Variants in CHD7 observed in about 807,000 individuals in gnomAD.
CHD7 encodes chromodomain helicase DNA binding protein 7.
Under a neutral mutation model 307.3 loss-of-function variants are expected in CHD7, and 24 were observed. That is an observed-to-expected ratio of 0.08 (90% confidence interval 0.06 to 0.11). CHD7 has a LOEUF of 0.11. CHD7 is among the 10% of genes least tolerant of loss of function. The probability of loss-of-function intolerance (pLI) is 1.00; values close to 1 mark genes in which losing one functional copy is unlikely to be tolerated. For synonymous variants in CHD7, 1,363 were observed against 1,349.9 expected (o/e 1.01, Z -0.21); for missense variants, 3,106 against 3,727.1 (o/e 0.83, Z 4.34).
At chr8:60,772,253 T>C (rs1810747174) in intron 2 of CHD7, among the ~76,000 whole-genome samples, 1 of 152,216 alleles carries the variant, frequency 6.6e-6, no homozygotes, top group African/African-American at 2.4e-5. Flanking sequence ...AAAAATTGTT[T>C]TGTTCCCAAT....
chr8:60,830,249 T>C (rs766359626), intron 14 of CHD7, 73 bp from the exon 15 acceptor site: 256 of 1,422,344 alleles, frequency 1.8e-4, no homozygotes, highest in Non-Finnish European at 2.4e-4. Context: ...ATAATCCTGA[T>C]GTTTCATGTT....
chr8:60,831,540 T>C (rs2150766922), intron 15 of CHD7, among the ~76,000 whole-genome samples: 1 of 151,950 alleles, frequency 6.6e-6, no homozygotes, highest in African/African-American at 2.4e-5. Context: ...CTGCAGGCAG[T>C]GAAGAACCAT....
At position 60,865,674 on chromosome 8, in the gene CHD7, G is replaced by T; in HGVS notation, c.8735G>T (p.Gly2912Val). 6.2e-7 allele frequency: 1 copy of T among 1,607,156 alleles called. No individual in the cohort carries two copies. Among genetic ancestry groups the T allele is most frequent in the Non-Finnish European group, 8.5e-7 (1 of 1,175,254 alleles). The change falls in exon 38 of 38, where the codon GGA becomes GTA. Residue 2912 changes from glycine (G) to valine (V), a missense_variant. This residue lies in a region of CHD7 where 351 missense variants were observed against 366.2 expected (regional missense o/e 0.96). Transcript: ENST00000423902. This position sits in a 1 kb window ranked among gnomAD's most constrained non-coding sequence, Gnocchi z 4.3. Reference protein sequence around the residue: ...LFYPSMFLPPGLGGLTLPGFP... With the variant: ...LFYPSMFLPPVLGGLTLPGFP... Reference sequence around the variant, plus strand: ...TACCCATCCATGTTTCTACCTCCAGGACTGGGGGGATTGACGCTGCCTGGG... The same window carrying T: ...TACCCATCCATGTTTCTACCTCCAGTACTGGGGGGATTGACGCTGCCTGGG...
chr8:60,824,415 G>T, intron 13 of CHD7: 1 of 252,836 alleles, frequency 4.0e-6, no homozygotes, highest in Non-Finnish European at 7.4e-6. Context: ...CATTTGGGAT[G>T]TTCAACCCGT....
chr8:60,749,438 G>C (rs1429488483), intron 2 of CHD7, among the ~76,000 whole-genome samples: 1 of 145,498 alleles, frequency 6.9e-6, no homozygotes, highest in African/African-American at 2.5e-5. Context: ...TGGCAACTAA[G>C]TAAATTTATG....
intron 1 of CHD7, among the ~76,000 whole-genome samples, chr8:60,734,351 G>A (rs1201733312): frequency 3.3e-5 from 5 of 152,178 alleles, no homozygotes; most frequent in African/African-American, 1.2e-4. Context: ...GGGGTGCCAG[G>A]GGTCCTGTCT....
rs1806169529 is a variant in CHD7, at chr8:60,864,934, A to G, written c.8077-82A>G. Reference sequence around the variant, plus strand: ...CTTAGGTATTTCCATTTGGAATGGCAGGTTCACCACAGAGGCTCACATTGA... The same window carrying G: ...CTTAGGTATTTCCATTTGGAATGGCGGGTTCACCACAGAGGCTCACATTGA... On this transcript the variant is annotated intron_variant, in intron 37 of 37. Transcript: ENST00000423902. The G allele has an allele frequency of 2.3e-5, 30 of 1,332,938 alleles. No individual in the cohort carries two copies. The South Asian group carries it at 3.9e-4, about 17-fold the overall frequency. The allele number at this position is 1,332,938 out of a possible 1,614,324, so 82.6% of individuals were successfully genotyped here. A position where few individuals can be genotyped will look rare whatever the true frequency, so the allele number is the denominator to read the frequency against.
intron 1 of CHD7, among the ~76,000 whole-genome samples, chr8:60,699,970 A>G (rs1275646347): frequency 6.6e-6 from 1 of 151,568 alleles, no homozygotes; most frequent in African/African-American, 2.4e-5. Flanking sequence ...AGCTGGGATT[A>G]CAGGCATGCA....
intron 1 of CHD7, among the ~76,000 whole-genome samples, chr8:60,717,317 T>C (rs1314283622): frequency 2.0e-5 from 3 of 152,260 alleles, no homozygotes; most frequent in African/African-American, 4.8e-5. Context: ...GTAAACACTT[T>C]GGTTATTAGA....
Position 60,851,330 on chromosome 8 carries a change from A to G in CHD7, c.5665+11A>G, listed in dbSNP as rs765928233. On this transcript the variant is annotated intron_variant, in intron 28 of 37. Transcript: ENST00000423902. ...AAATACATGCCACAGGTAAGGTCCCAGAAAAGCTTGTGTAGCCGAGCAGAC... is the reference window on the plus strand; with the variant it reads ...AAATACATGCCACAGGTAAGGTCCCGGAAAAGCTTGTGTAGCCGAGCAGAC... 3.0e-5 allele frequency: 46 copies of G among 1,555,744 alleles called. No homozygotes were observed. In the Admixed American group the frequency reaches 8.3e-4, roughly 28 times the overall value.
At position 60,865,484 on chromosome 8, in the gene CHD7, G is replaced by A; in HGVS notation, c.8545G>A (p.Glu2849Lys). 1 of 1,614,072 alleles carries A rather than the reference G, an allele frequency of 6.2e-7. No homozygotes were observed. The highest frequency in any genetic ancestry group is 8.5e-7 in the Non-Finnish European group (1 of 1,179,896). ...STSKGEEKGN[E>K]NEDENKDSEK... ...TTCAAAAGGAGAGGAGAAAGGAAAT[G>A]AGAATGAAGACGAGAACAAAGACTC... Residue 2849 changes from glutamate to lysine, a missense_variant, in exon 38 of 38, where the codon GAG becomes AAG. Glu to Lys is a moderately conservative substitution (Grantham distance 56). Coordinates refer to ENST00000423902, the MANE Select transcript of CHD7 (RefSeq NM_017780.4). This position sits in a 1 kb window ranked among gnomAD's most constrained non-coding sequence, Gnocchi z 4.3.
At chr8:60,749,002 T>C (rs1294730161) in intron 2 of CHD7, among the ~76,000 whole-genome samples, 3 of 151,396 alleles carry the variant, frequency 2.0e-5, no homozygotes, top group Non-Finnish European at 4.4e-5. Context: ...AAATAGCCTT[T>C]CAGGGAAAAC....
chr8:60,782,067 G>T (rs529435847), intron 3 of CHD7, among the ~76,000 whole-genome samples: 3 of 152,164 alleles, frequency 2.0e-5, no homozygotes, highest in East Asian at 1.9e-4. Flanking sequence ...CATTTATTCG[G>T]TAAGAAAAAC....
intron 1 of CHD7, among the ~76,000 whole-genome samples, chr8:60,722,169 T>C (rs1243063560): frequency 6.6e-6 from 1 of 152,208 alleles, no homozygotes; most frequent in Non-Finnish European, 1.5e-5. Context: ...CAGCAACTTC[T>C]CTTAAAAGCC....
chr8:60,841,999 G>C lies in CHD7; in HGVS notation c.4797G>C (p.Gln1599His). The stretch of plus-strand genomic sequence containing the variant: ...CACGGCGTCCCCAGGATAAGTCACA[G>C]GGCTATGCAAGGAGTGAATGTTTCA... ...AKPRRPQDKS[Q>H]GYARSECFRV... Residue 1599 changes from glutamine to histidine, a missense_variant, in exon 21 of 38, where the codon CAG (glutamine) becomes CAC (histidine). Transcript: ENST00000423902. 6.2e-7 allele frequency: 1 copy of C among 1,613,956 alleles called. No homozygotes were observed. The highest frequency in any genetic ancestry group is 8.5e-7 in the Non-Finnish European group (1 of 1,179,864).
rs1479651043 is a variant in CHD7 at position 60,696,705 on chromosome 8, T to C, written c.-175+17623T>C. Among the ~76,000 whole-genome samples, 3 of 152,240 alleles carry C rather than the reference T, an allele frequency of 2.0e-5. No individual in the cohort carries two copies. In the East Asian group the frequency reaches 5.8e-4, roughly 29 times the overall value. Reference sequence around the variant, plus strand: ...TTGTAAAACTCAAGAAACTCTCTGATACTGTATATGGAAGGAAGGACTCTG... The same window carrying C: ...TTGTAAAACTCAAGAAACTCTCTGACACTGTATATGGAAGGAAGGACTCTG... On this transcript the variant is annotated intron_variant, in intron 1 of 37. Coordinates refer to ENST00000423902, the MANE Select transcript of CHD7 (RefSeq NM_017780.4).
At chr8:60,746,912 A>G (rs899237935) in intron 2 of CHD7, among the ~76,000 whole-genome samples, 1 of 152,212 alleles carries the variant, frequency 6.6e-6, no homozygotes, top group Non-Finnish European at 1.5e-5. Flanking sequence ...TTCTTTTTCA[A>G]TAGCTAATTA....
chr8:60,753,811 G>C (rs1442290065), intron 2 of CHD7, among the ~76,000 whole-genome samples: 1 of 151,806 alleles, frequency 6.6e-6, no homozygotes, highest in Non-Finnish European at 1.5e-5. Flanking sequence ...TTTTAGTAGA[G>C]ACGGGGTTTC....
Position 60,822,139 on chromosome 8 carries a change from A to C in CHD7, c.2951A>C (p.Tyr984Ser). ...GTAAACTGGCTACTTTTCAATTGGT[A>C]CAACATGTATGTAAAACAAGTTTTT... ...EGVNWLLFNW[Y>S]NMRNCILADE... Residue 984 changes from tyrosine to serine, a missense_variant, in exon 11 of 38, where the codon TAC becomes TCC. Physicochemically the swap from Tyr to Ser is moderately radical, Grantham distance 144. This residue lies in a region of CHD7 where 188 missense variants were observed against 261.7 expected (regional missense o/e 0.72). Coordinates refer to ENST00000423902, the MANE Select transcript of CHD7 (RefSeq NM_017780.4). 6.2e-7 allele frequency: 1 copy of C among 1,610,974 alleles called. No homozygotes were observed. Among genetic ancestry groups the C allele is most frequent in the East Asian group, 2.2e-5 (1 of 44,864 alleles).
Sources: gnomAD v4.1 joint callset for allele counts (sites outside exome capture counted in the v4.1 genomes callset) on GRCh38, gnomAD v4.1.1 for gene constraint, gnomAD v4.1.1 regional missense constraint, Gnocchi (gnomAD v3.1) non-coding constraint, MANE v1.5 for transcripts, NCBI Gene and HGNC (gene_info 2026-07-23, HGNC 2026-07-21) for gene names.